The following CNTN3 variants were observed in gnomAD, a reference collection of about 807,000 sequenced individuals.
CNTN3 encodes the protein contactin 3.
CNTN3 carries 60 observed loss-of-function variants against 119.1 expected under a neutral mutation model. That is an observed-to-expected ratio of 0.50 (90% CI 0.41 to 0.62). The LOEUF (loss-of-function observed/expected upper bound fraction) is 0.62. Ranked by LOEUF, CNTN3 falls within the 20% of genes least tolerant of loss-of-function variation. CNTN3 has a pLI of 0.00. For synonymous variants in CNTN3, 450 were observed against 438.7 expected (o/e 1.03, Z -0.32); for missense variants, 1,101 against 1,242.4 (o/e 0.89, Z 1.71).
At chr3:74,543,962 C>T (rs1363431859) in intron 1 of CNTN3, among the ~76,000 whole-genome samples, 2 of 152,152 alleles carry the variant, frequency 1.3e-5, no homozygotes, top group South Asian at 2.1e-4. Context: ...ATTTTAAAAA[C>T]CCACTTCTCA....
At chr3:74,558,259 C>A (rs1373078940) in intron 1 of CNTN3, among the ~76,000 whole-genome samples, 2 of 152,212 alleles carry the variant, frequency 1.3e-5, no homozygotes, top group Admixed American at 6.5e-5. Context: ...CTTCCTCCCT[C>A]TTCTTAATCC....
chr3:74,444,375 G>A (rs1428192323), intron 4 of CNTN3, among the ~76,000 whole-genome samples: 1 of 152,070 alleles, frequency 6.6e-6, no homozygotes, highest in African/African-American at 2.4e-5. Flanking sequence ...TAGGGTAGAA[G>A]GGGTGCTTAC....
intron 1 of CNTN3, among the ~76,000 whole-genome samples, chr3:74,584,992 C>T (rs1371561075): frequency 1.3e-5 from 2 of 151,784 alleles, no homozygotes; most frequent in African/African-American, 2.4e-5. Flanking sequence ...TACACAGGAT[C>T]CAAAGTCCAG....
At chr3:74,528,010 A>G (rs1215563763) in intron 1 of CNTN3, among the ~76,000 whole-genome samples, 1 of 151,908 alleles carries the variant, frequency 6.6e-6, no homozygotes, top group Non-Finnish European at 1.5e-5. Context: ...AATAACCTTT[A>G]CACATAAAAG....
intron 1 of CNTN3, among the ~76,000 whole-genome samples, chr3:74,533,934 A>G (rs1311177408): frequency 6.6e-6 from 1 of 151,908 alleles, no homozygotes; most frequent in Admixed American, 6.6e-5. Flanking sequence ...ACCACTAAAT[A>G]CTCTGCCATA....
In CNTN3 at chr3:74,271,772, C is replaced by T. The variant is rs138759285; in HGVS notation, c.2705-4394G>A. Among the ~76,000 whole-genome samples, 173 of 152,154 alleles carry T rather than the reference C, an allele frequency of 1.1e-3. 1 individual carries two copies. Among genetic ancestry groups the T allele is most frequent in the African/African-American group, 4.0e-3 (168 of 41,502 alleles). On this transcript the variant is annotated intron_variant, in intron 20 of 22. Coordinates refer to ENST00000263665, the MANE Select transcript of CNTN3 (RefSeq NM_020872.3). Reference sequence around the variant, plus strand: ...TGCTTAAACATGTGGTATTGTGCAACGATCATGTAATCAAAAACAAAAGCC... The same window carrying T: ...TGCTTAAACATGTGGTATTGTGCAATGATCATGTAATCAAAAACAAAAGCC...
intron 1 of CNTN3, among the ~76,000 whole-genome samples, chr3:74,599,864 G>C (rs1161789452): frequency 6.6e-6 from 1 of 152,046 alleles, no homozygotes; most frequent in Non-Finnish European, 1.5e-5. Context: ...CATTTGGATA[G>C]ATAGGTCTAG....
chr3:74,570,284 T>A (rs1431868903), intron 1 of CNTN3, among the ~76,000 whole-genome samples: 1 of 152,070 alleles, frequency 6.6e-6, no homozygotes, highest in African/African-American at 2.4e-5. Context: ...GTAGCAGTAG[T>A]GCCTGAAATG....
At chr3:74,515,074 G>C (rs1703429040) in intron 2 of CNTN3, among the ~76,000 whole-genome samples, 2 of 152,126 alleles carry the variant, frequency 1.3e-5, no homozygotes, top group Middle Eastern at 3.4e-3. Flanking sequence ...TGGGAAGTTT[G>C]AAAAGAATAA....
intron 11 of CNTN3, among the ~76,000 whole-genome samples, chr3:74,354,019 A>G (rs910419278): frequency 6.6e-6 from 1 of 152,014 alleles, no homozygotes; most frequent in African/African-American, 2.4e-5. Flanking sequence ...TTTTTCAAAA[A>G]TGTCATATAA....
chr3:74,291,696 T>G (rs72890599), intron 19 of CNTN3, among the ~76,000 whole-genome samples: 5,624 of 152,250 alleles, frequency 0.037, 297 homozygotes, highest in African/African-American at 0.11. Context: ...TTTATTTTCT[T>G]TAAATAAATT....
intron 5 of CNTN3, among the ~76,000 whole-genome samples, chr3:74,388,346 A>T (rs906894485): frequency 6.6e-6 from 1 of 152,206 alleles, no homozygotes; most frequent in Non-Finnish European, 1.5e-5. Context: ...TGTAATTCTG[A>T]TAATCAGATA....
At chr3:74,551,776 T>C (rs1182449000) in intron 1 of CNTN3, among the ~76,000 whole-genome samples, 2 of 136,248 alleles carry the variant, frequency 1.5e-5, no homozygotes, top group Admixed American at 1.5e-4. Context: ...TTTTTTTTTT[T>C]TTTTTGAGAT....
intron 1 of CNTN3, among the ~76,000 whole-genome samples, chr3:74,607,449 T>C (rs190125193): frequency 2.0e-5 from 3 of 152,320 alleles, no homozygotes; most frequent in Admixed American, 1.3e-4. Context: ...TGAACTGCGA[T>C]TGAGTTAGAA....
chr3:74,479,580 T>C (rs1702725250), intron 4 of CNTN3, among the ~76,000 whole-genome samples: 1 of 152,092 alleles, frequency 6.6e-6, no homozygotes, highest in African/African-American at 2.4e-5. Flanking sequence ...ACACATGTTC[T>C]AGAACAATAA....
chr3:74,318,796 G>A (rs552494437), intron 13 of CNTN3, among the ~76,000 whole-genome samples: 4 of 152,198 alleles, frequency 2.6e-5, no homozygotes, highest in South Asian at 2.1e-4. Flanking sequence ...TAGGCTGCTC[G>A]GGGGTCAAGG....
chr3:74,517,217 T>C (rs1295287208), intron 2 of CNTN3, among the ~76,000 whole-genome samples: 1 of 151,962 alleles, frequency 6.6e-6, no homozygotes, highest in Non-Finnish European at 1.5e-5. Context: ...ATAACCTGCA[T>C]GTGCTGACTT....
At chr3:74,362,477 A>C (rs1704095163) in intron 10 of CNTN3, among the ~76,000 whole-genome samples, 1 of 152,208 alleles carries the variant, frequency 6.6e-6, no homozygotes, top group Non-Finnish European at 1.5e-5. Flanking sequence ...TAATATTCTC[A>C]TACATATGCA....
chr3:74,298,630 C>T (rs1702390201), intron 17 of CNTN3, among the ~76,000 whole-genome samples: 1 of 149,810 alleles, frequency 6.7e-6, no homozygotes, highest in African/African-American at 2.4e-5. Context: ...GGTACGGTGG[C>T]TCACGCCTGT....
Sources: allele counts gnomAD v4.1 joint callset (sites outside exome capture counted in the v4.1 genomes callset), GRCh38; gene constraint gnomAD v4.1.1; transcripts MANE v1.5; gene names NCBI Gene and HGNC (gene_info 2026-07-23, HGNC 2026-07-21).